The following ABCC12 variants were observed in gnomAD, a reference collection of about 807,000 sequenced individuals.
ABCC12 encodes ATP binding cassette subfamily C member 12.
ABCC12 carries 142 observed loss-of-function variants against 151.1 expected under a neutral mutation model. The observed-to-expected ratio is 0.94, with a 90% confidence interval of 0.82 to 1.08. ABCC12 has a LOEUF of 1.08. ABCC12 is among the 50% of genes least tolerant of loss of function. The pLI is 0.00. For synonymous variants in ABCC12, 645 were observed against 646.4 expected, an observed-to-expected ratio of 1.00 and a Z score of 0.03; for missense variants, 1,638 against 1,691.1, an observed-to-expected ratio of 0.97 and a Z score of 0.55.
At chr16:48,129,388 G>A (rs1445518196) in intron 10 of ABCC12, among the ~76,000 whole-genome samples, 2 of 152,200 alleles carry the variant, frequency 1.3e-5, no homozygotes, top group African/African-American at 4.8e-5. Flanking sequence ...TGTTGTACAG[G>A]CAGAGATGAG....
intron 2 of ABCC12, among the ~76,000 whole-genome samples, chr16:48,150,655 T>C (rs1965105069): frequency 6.6e-6 from 1 of 152,200 alleles, no homozygotes; most frequent in African/African-American, 2.4e-5. Flanking sequence ...TCTCCTTATA[T>C]TGGAGAATCG....
Position 48,115,496 on chromosome 16 carries a change from G to T in ABCC12, c.1908C>A (p.His636Gln), listed in dbSNP as rs148097337. The stretch of plus-strand genomic sequence containing the variant: ...ACTCCTCAAAGACGTGCTTCCCCAC[G>T]TGGGCGTCCACGGCCGACAGGGGGT... Reference protein sequence around the residue: ...LDDPLSAVDAHVGKHVFEECI... With the variant: ...LDDPLSAVDAQVGKHVFEECI... Residue 636 changes from histidine to glutamine, a missense_variant, in exon 15 of 31, where the codon CAC becomes CAA. Physicochemically the swap from His to Gln is conservative, Grantham distance 24. Coordinates refer to ENST00000311303, the MANE Select transcript of ABCC12 (RefSeq NM_001393797.1). 4 of 1,614,078 alleles carry T rather than the reference G, an allele frequency of 2.5e-6. No individual in the cohort carries two copies. The African/African-American group carries it at 4.0e-5, about 16-fold the overall frequency.
rs1319323523 is a variant in ABCC12, at chr16:48,133,809, G to T, written c.1006C>A (p.Leu336Met). 1 of 1,614,138 alleles carries T rather than the reference G, an allele frequency of 6.2e-7. No homozygotes were observed. The highest frequency in any genetic ancestry group is 8.5e-7 in the Non-Finnish European group (1 of 1,180,018). The change falls in exon 9 of 31, where the codon CTG (leucine) becomes ATG (methionine). Residue 336 changes from leucine (L) to methionine (M), a missense_variant. Physicochemically the swap from Leu to Met is conservative, Grantham distance 15. Coordinates refer to ENST00000311303, the MANE Select transcript of ABCC12 (RefSeq NM_001393797.1). ...QDIRRRERKL[L>M]EKAGFVQSGN... Reference sequence around the variant, plus strand: ...CTTTGGACAAATCCAGCTTTTTCCAGTAATTTTCTTTCCCTCCTTCTTATA... The same window carrying T: ...CTTTGGACAAATCCAGCTTTTTCCATTAATTTTCTTTCCCTCCTTCTTATA...
At chr16:48,141,374 C>T in intron 4 of ABCC12, 21 bp from the exon 5 acceptor site, 1 of 1,613,444 alleles carries the variant, frequency 6.2e-7, no homozygotes, top group Non-Finnish European at 8.5e-7. Flanking sequence ...AAAACAGAAG[C>T]ATAAAATGGA....
chr16:48,139,706 G>A (rs1020209139), intron 6 of ABCC12, among the ~76,000 whole-genome samples: 1 of 152,200 alleles, frequency 6.6e-6, no homozygotes, highest in Non-Finnish European at 1.5e-5. Context: ...ACATTTCCCA[G>A]CCTCCTTTGT....
intron 19 of ABCC12, among the ~76,000 whole-genome samples, 161 bp from the exon 20 acceptor site, chr16:48,107,586 T>G (rs1008516741): frequency 1.3e-5 from 2 of 152,194 alleles, no homozygotes; most frequent in Non-Finnish European, 2.9e-5. Flanking sequence ...CATCTGAGTG[T>G]TGGGACCCTG....
rs2150658788 is a variant in ABCC12 at position 48,132,611 on chromosome 16, A to C, written c.1128+1076T>G. Among the ~76,000 whole-genome samples, 3 of 152,200 alleles carry C rather than the reference A, an allele frequency of 2.0e-5. No individual in the cohort carries two copies. The South Asian group carries it at 6.2e-4, about 32-fold the overall frequency. The stretch of plus-strand genomic sequence containing the variant: ...TGGTTTTTTCTTTATTTAAGCCAGG[A>C]ATCATTTTCCCTCTAGCTTAGCATT... On this transcript the variant is annotated intron_variant, in intron 9 of 30. Coordinates refer to ENST00000311303, the MANE Select transcript of ABCC12 (RefSeq NM_001393797.1).
chr16:48,096,905 GGA>G lies in ABCC12; in HGVS notation c.3039-5_3039-4del, dbSNP rs1567445497. 2 of 1,614,120 alleles carry G rather than the reference GGA, an allele frequency of 1.2e-6. No individual in the cohort carries two copies. The highest frequency in any genetic ancestry group is 3.3e-5 in the Admixed American group (2 of 60,020). ...CACAGTTAAAGTAGAGGAGGTGACT[GGA>G]GTTTTCGTCGTTTAGCGTCTTAAAC... On this transcript the variant is annotated splice_polypyrimidine_tract_variant and splice_region_variant and intron_variant, in intron 23 of 30. Coordinates refer to ENST00000311303, the MANE Select transcript of ABCC12 (RefSeq NM_001393797.1).
rs149816514 is a variant in ABCC12, at chr16:48,088,618, G to A, written c.3402C>T (p.Pro1134=). 1.2e-6 allele frequency: 2 copies of A among 1,614,210 alleles called. No individual in the cohort carries two copies. Among genetic ancestry groups the A allele is most frequent in the African/African-American group, 2.7e-5 (2 of 75,060 alleles). ...TCAAGTTCAGGCTGTCGAGAACAAGGGGGGTGTTGTCTCTGTATCTCATCT... is the reference window on the plus strand; with the variant it reads ...TCAAGTTCAGGCTGTCGAGAACAAGAGGGGTGTTGTCTCTGTATCTCATCT... The part of the protein sequence containing the change: ...DYQMRYRDNT[P]LVLDSLNLNI... Residue 1134 remains proline (P), a synonymous_variant, in exon 26 of 31, where the codon CCC becomes CCT. Transcript: ENST00000311303.
In ABCC12 at chr16:48,140,918, T is replaced by A; in HGVS notation, c.426A>T (p.Thr142=). 6.2e-7 allele frequency: 1 copy of A among 1,613,460 alleles called. No individual in the cohort carries two copies. Among genetic ancestry groups the A allele is most frequent in the African/African-American group, 1.3e-5 (1 of 75,046 alleles). The change falls in exon 6 of 31, where the codon ACA becomes ACT. Residue 142 remains threonine, a splice_region_variant and synonymous_variant. Coordinates refer to ENST00000311303, the MANE Select transcript of ABCC12 (RefSeq NM_001393797.1). ...LCIIMAAIGP[T]VLIHQILQQT... is the part of the protein sequence containing the mutation. ...GCTGGAGGATTTGGTGAATGAGAAC[T>A]GTCTGTAAAACAGCATGGTGGGGAG...
rs1180886386 is a variant in ABCC12 at position 48,139,214 on chromosome 16, C to T, written c.780G>A (p.Gly260=). 13 of 1,613,756 alleles carry T rather than the reference C, an allele frequency of 8.1e-6. No individual in the cohort carries two copies. The highest frequency in any genetic ancestry group is 5.5e-5 in the South Asian group (5 of 91,024). The part of the protein sequence containing the change: ...FCAAYAFFIL[G]PTALIGISVY... ...CTGATATCCCGATGAGAGCTGTGGG[C>T]CCCAGAATGAAAAAGGCGTACGCCG... The change falls in exon 7 of 31, where the codon GGG becomes GGA. Residue 260 remains glycine, a synonymous_variant. Transcript: ENST00000311303.
intron 29 of ABCC12, among the ~76,000 whole-genome samples, chr16:48,085,345 C>G (rs1962540948): frequency 6.6e-6 from 1 of 152,114 alleles, no homozygotes; most frequent in African/African-American, 2.4e-5. Context: ...CTTAGGCAAG[C>G]AGAGTGAAAA....
chr16:48,121,446 A>G (rs1597315694), intron 13 of ABCC12: 1 of 357,550 alleles, frequency 2.8e-6, no homozygotes, highest in African/African-American at 2.1e-5. Context: ...CCTGTTGCAG[A>G]GAACCTCGGA....
At chr16:48,102,057 T>G (rs1352655257) in intron 22 of ABCC12, among the ~76,000 whole-genome samples, 1 of 152,108 alleles carries the variant, frequency 6.6e-6, no homozygotes, top group Non-Finnish European at 1.5e-5. Flanking sequence ...TAAATCAAAA[T>G]GAAAACCCCA....
intron 3 of ABCC12, among the ~76,000 whole-genome samples, chr16:48,145,642 T>C (rs1395625491): frequency 1.3e-5 from 2 of 152,244 alleles, no homozygotes; most frequent in African/African-American, 4.8e-5. Flanking sequence ...ATGCTGTCAC[T>C]CATTCCCTTG....
chr16:48,102,077 G>A (rs562487356), intron 22 of ABCC12, among the ~76,000 whole-genome samples: 8 of 152,204 alleles, frequency 5.3e-5, no homozygotes, highest in East Asian at 1.9e-4. Flanking sequence ...AACTTTCCCC[G>A]CCTAGGTAAC....
chr16:48,094,368 A>G (rs1201963414), intron 24 of ABCC12, among the ~76,000 whole-genome samples: 2 of 152,242 alleles, frequency 1.3e-5, no homozygotes, highest in Non-Finnish European at 2.9e-5. Flanking sequence ...GATTGAGAAG[A>G]GATAGCAGTG....
intron 29 of ABCC12, among the ~76,000 whole-genome samples, chr16:48,085,149 C>G (rs1962530993): frequency 6.6e-6 from 1 of 152,136 alleles, no homozygotes; most frequent in Non-Finnish European, 1.5e-5. Context: ...CAACAGCAAT[C>G]CCTTCCTGGA....
chr16:48,085,769 G>T, intron 28 of ABCC12, 63 bp from the exon 29 acceptor site: 1 of 1,312,454 alleles, frequency 7.6e-7, no homozygotes, highest in Non-Finnish European at 1.1e-6. Flanking sequence ...TATGCTGTCT[G>T]TATTGATTGC....
Sources: allele counts gnomAD v4.1 joint callset (sites outside exome capture counted in the v4.1 genomes callset), GRCh38; gene constraint gnomAD v4.1.1; transcripts MANE v1.5; gene names NCBI Gene and HGNC (gene_info 2026-07-23, HGNC 2026-07-21).